ATP2B3: variants seen among roughly 807,000 people sequenced by gnomAD.
The protein encoded by ATP2B3 is plasma membrane calcium-transporting ATPase 3.
Under a neutral mutation model 70.8 loss-of-function variants are expected in ATP2B3, and 12 were observed. The ratio of observed to expected loss-of-function variants is 0.17; its 90% CI spans 0.11 to 0.27. The LOEUF (loss-of-function observed/expected upper bound fraction) is 0.27. ATP2B3 is among the 10% of genes least tolerant of loss of function. ATP2B3 has a pLI of 1.00. For synonymous variants in ATP2B3, 460 were observed against 497.8 expected (o/e 0.92, Z 1.01); for missense variants, 858 against 1,118.5 (o/e 0.77, Z 3.32).
intron 7 of ATP2B3, among the ~76,000 whole-genome samples, chrX:153,545,764 C>T (rs1045536592): frequency 3.6e-5 from 4 of 112,189 alleles, no homozygotes; most frequent in Non-Finnish European, 7.5e-5. Flanking sequence ...AGGGAGCAGA[C>T]GTCCCGACTT....
chrX:153,528,828 AAC>A (rs1213889257), intron 2 of ATP2B3, among the ~76,000 whole-genome samples: 18 of 112,348 alleles, frequency 1.6e-4, no homozygotes, highest in Middle Eastern at 9.2e-3. Flanking sequence ...GGCAGAGGAG[AAC>A]ACATTCCTTC....
chrX:153,566,775 G>C (rs1210294083), intron 21 of ATP2B3, among the ~76,000 whole-genome samples: 1 of 110,978 alleles, frequency 9.0e-6, no homozygotes, highest in African/African-American at 3.3e-5. Flanking sequence ...CCCTCTGCCC[G>C]CCTGTGCCAC....
chrX:153,560,897 G>A lies in ATP2B3; in HGVS notation c.3051+10G>A. 1.7e-6 allele frequency: 2 copies of A among 1,211,135 alleles called. No individual in the cohort carries two copies. The highest frequency in any genetic ancestry group is 1.8e-5 in the South Asian group (1 of 56,985). ...CACTTTCGGGATTCAGGTAGGAGGG[G>A]CGGCTCCACTCTTGGCCTCTGCCAC... On this transcript the variant is annotated intron_variant, in intron 19 of 21. Coordinates refer to ENST00000263519, the MANE Select transcript of ATP2B3 (RefSeq NM_001001344.3).
At chrX:153,528,278 G>A (rs1054427267) in intron 2 of ATP2B3, among the ~76,000 whole-genome samples, 1 of 112,376 alleles carries the variant, frequency 8.9e-6, no homozygotes, top group Admixed American at 9.4e-5. Context: ...CTGGCTTGCC[G>A]TGTGACCTTG....
chrX:153,562,036 G>A, intron 19 of ATP2B3, 99 bp from the exon 20 acceptor site: 2 of 776,214 alleles, frequency 2.6e-6, no homozygotes, highest in South Asian at 2.1e-5. Context: ...GTGCAACTGG[G>A]GGAACCAACC....
chrX:153,526,363 C>G (rs959138308), intron 2 of ATP2B3, among the ~76,000 whole-genome samples: 9 of 111,240 alleles, frequency 8.1e-5, no homozygotes, highest in Non-Finnish European at 1.5e-4. Context: ...GAGGGAGAGA[C>G]TCGGAGCCCT....
In ATP2B3 at chrX:153,556,077, G is replaced by T. The variant is rs782459941; in HGVS notation, c.2087G>T (p.Arg696Leu). The T allele has an allele frequency of 2.5e-6, 3 of 1,212,330 alleles. No homozygotes were observed. The highest frequency in any genetic ancestry group is 3.3e-6 in the Non-Finnish European group (3 of 895,612). The change falls in exon 14 of 22, where the codon CGT (arginine) becomes CTT (leucine). Residue 696 changes from arginine (R) to leucine (L), a missense_variant. By Grantham distance (102) the Arg-to-Leu change is moderately radical (BLOSUM62 -2). This residue lies in a region of ATP2B3 where 242 missense variants were observed against 281.3 expected (regional missense o/e 0.86). Coordinates refer to ENST00000263519, the MANE Select transcript of ATP2B3 (RefSeq NM_001001344.3). ...EVPEAIRKCQ[R>L]AGITVRMVTG... The stretch of plus-strand genomic sequence containing the variant: ...CCTGAAGCTATCCGAAAATGCCAGC[G>T]TGCTGGCATCACAGTCCGCATGGTG...
At chrX:153,574,658 CT>C (rs2090832591) in intron 21 of ATP2B3, 3 of 268,707 alleles carry the variant, frequency 1.1e-5, no homozygotes, top group Non-Finnish European at 2.2e-5. Context: ...TTTTCCTTTC[CT>C]TTTTCTACTC....
rs182825598 is a variant in ATP2B3 at position 153,577,093 on chromosome X, C to T, written c.3343-2885C>T. On this transcript the variant is annotated intron_variant, in intron 21 of 21. Coordinates refer to ENST00000263519, the MANE Select transcript of ATP2B3 (RefSeq NM_001001344.3). ...GGGGGGCAGCCCTTCCATCCTGCAG[C>T]GGTTCACTCAGTCACTTGTGCATTC... Among the ~76,000 whole-genome samples, 641 of 112,827 alleles carry T rather than the reference C, an allele frequency of 5.7e-3. 3 individuals are homozygous for T. Among genetic ancestry groups the T allele is most frequent in the Middle Eastern group, 0.014 (3 of 216 alleles).
Position 153,564,941 on chromosome X carries a change from C to G in ATP2B3, c.3180C>G (p.Thr1060=), listed in dbSNP as rs782036359. Residue 1060 remains threonine, a synonymous_variant, in exon 21 of 22, where the codon ACC becomes ACG. Transcript: ENST00000263519. The part of the protein sequence containing the change: ...VWGQVIATIP[T]SQLKCLKEAG... ...CCCAGGTCATTGCCACCATCCCCAC[C>G]AGCCAGCTCAAGTGCCTGAAGGAAG... The G allele has an allele frequency of 1.3e-5, 15 of 1,193,962 alleles. No individual in the cohort carries two copies. Among genetic ancestry groups the G allele is most frequent in the Non-Finnish European group, 1.5e-5 (13 of 885,979 alleles).
At chrX:153,525,153 A>C (rs1249973812) in intron 2 of ATP2B3, among the ~76,000 whole-genome samples, 2 of 112,291 alleles carry the variant, frequency 1.8e-5, no homozygotes. Context: ...TTGGGAAGCC[A>C]CTGTGGGCCG....
At chrX:153,566,534 C>A (rs2090709768) in intron 21 of ATP2B3, among the ~76,000 whole-genome samples, 1 of 111,775 alleles carries the variant, frequency 8.9e-6, no homozygotes. Context: ...CTCAAGGGAC[C>A]CAGCCTCAGG....
chrX:153,562,348 G>T, intron 20 of ATP2B3, 106 bp downstream of exon 20: 1 of 716,431 alleles, frequency 1.4e-6, no homozygotes. Context: ...CTCACCCTAG[G>T]AAGCACACTG....
intron 2 of ATP2B3, among the ~76,000 whole-genome samples, chrX:153,525,754 C>T (rs781813659): frequency 1.8e-5 from 2 of 112,935 alleles, no homozygotes; most frequent in South Asian, 3.6e-4. Flanking sequence ...ACGTCTCCCA[C>T]CTAGTCTCAT....
Position 153,553,267 on chromosome X carries a change from G to A in ATP2B3, c.2056G>A (p.Glu686Lys), listed in dbSNP as rs782226811. 5.0e-6 allele frequency: 6 copies of A among 1,198,166 alleles called. No homozygotes were observed. Among genetic ancestry groups the A allele is most frequent in the South Asian group, 1.8e-5 (1 of 56,048 alleles). The change falls in exon 13 of 22, where the codon GAG (glutamate) becomes AAG (lysine). Residue 686 changes from glutamate (E) to lysine (K), a missense_variant and splice_region_variant. Physicochemically the swap from Glu to Lys is moderately conservative, Grantham distance 56. Around this residue, in one of 5 missense-constraint regions of ATP2B3, gnomAD observed 242 missense variants for 281.3 expected, o/e 0.86. Coordinates refer to ENST00000263519, the MANE Select transcript of ATP2B3 (RefSeq NM_001001344.3). ...VVGIEDPVRP[E>K]VPEAIRKCQR... ...GGGCATTGAGGACCCTGTGCGGCCC[G>A]AGGTAGCCACCACCTTCTCTGTGAG...
chrX:153,522,948 G>A (rs183578806), intron 2 of ATP2B3, among the ~76,000 whole-genome samples: 9 of 109,881 alleles, frequency 8.2e-5, no homozygotes, highest in African/African-American at 2.6e-4. Flanking sequence ...CTCTTAATAT[G>A]CTCTCTATAG....
In ATP2B3 at chrX:153,578,950, T is replaced by C. The variant is rs188543091; in HGVS notation, c.3343-1028T>C. 2.0e-3 allele frequency among the ~76,000 whole-genome samples: 224 copies of C among 112,247 alleles called. 1 individual carries two copies. Among genetic ancestry groups the C allele is most frequent in the African/African-American group, 6.7e-3 (208 of 30,895 alleles). On this transcript the variant is annotated intron_variant, in intron 21 of 21. Transcript: ENST00000263519. The stretch of plus-strand genomic sequence containing the variant: ...CTGAGCAGAGACAGGCTTTAGTGGG[T>C]GCAAATCAAAAGTGTGGCCATTTTC...
intron 2 of ATP2B3, among the ~76,000 whole-genome samples, chrX:153,535,699 G>A (rs1176269809): frequency 8.9e-6 from 1 of 112,828 alleles, no homozygotes; most frequent in African/African-American, 3.2e-5. Context: ...GAGTGAACCG[G>A]AGTGAACAAG....
At chrX:153,532,166 T>A (rs1209085464) in intron 2 of ATP2B3, among the ~76,000 whole-genome samples, 1 of 111,775 alleles carries the variant, frequency 8.9e-6, no homozygotes, top group Non-Finnish European at 1.9e-5. Context: ...AAGGGTGCAG[T>A]GAAAGAAACA....
Sources: allele counts gnomAD v4.1 joint callset (sites outside exome capture counted in the v4.1 genomes callset), GRCh38; gene constraint gnomAD v4.1.1; regional missense constraint gnomAD v4.1.1; transcripts MANE v1.5; gene names NCBI Gene and HGNC (gene_info 2026-07-23, HGNC 2026-07-21).